Variants in CCT4 observed in about 807,000 individuals in gnomAD.
CCT4 encodes the protein T-complex protein 1 subunit delta.
CCT4 carries 17 observed loss-of-function variants against 62.5 expected under a neutral mutation model. That is an observed-to-expected ratio of 0.27 (90% CI 0.19 to 0.41). The LOEUF (loss-of-function observed/expected upper bound fraction) is 0.41, where lower values mean the gene tolerates loss of function less well. Ranked by LOEUF, CCT4 falls within the 10% of genes least tolerant of loss-of-function variation. The pLI is 1.00. For missense variants in CCT4, 592 were observed against 659.2 expected (o/e 0.90, Z 1.12); for synonymous variants, 250 against 229.9 (o/e 1.09, Z -0.79).
At chr2:61,880,420 G>T in intron 3 of CCT4, 26 bp from the exon 4 acceptor site, 1 of 1,332,352 alleles carries the variant, frequency 7.5e-7, no homozygotes, top group Non-Finnish European at 1.1e-6. Context: ...ATGCCAAGTT[G>T]CTCAATGAGA....
chr2:61,869,009 C>A lies in CCT4; in HGVS notation c.1606-303G>T, dbSNP rs1668828898. On this transcript the variant is annotated intron_variant, in intron 13 of 13. Transcript: ENST00000394440. The stretch of plus-strand genomic sequence containing the variant: ...AATTAGCTGGGTGTGGTGGCACATG[C>A]CTGTAATCCCAGCTACTTGGGAGGT... 1.7e-5 allele frequency: 6 copies of A among 360,944 alleles called. No individual in the cohort carries two copies. The East Asian group carries it at 1.9e-4, about 11-fold the overall frequency. The allele number at this position is 360,944 out of a possible 1,614,324, so 22.4% of individuals were successfully genotyped here.
intron 3 of CCT4, among the ~76,000 whole-genome samples, chr2:61,881,354 T>G (rs921603342): frequency 7.9e-5 from 12 of 152,118 alleles, no homozygotes; most frequent in Non-Finnish European, 1.5e-4. Flanking sequence ...ACTCCTGACC[T>G]CAGGTGATCC....
intron 3 of CCT4, 24 bp downstream of exon 3, chr2:61,883,435 A>AT: frequency 1.8e-6 from 2 of 1,116,770 alleles, no homozygotes; most frequent in Non-Finnish European, 2.6e-6. Flanking sequence ...AAAAAAAAAA[A>AT]GACTCACCTA....
chr2:61,882,607 C>G (rs867991836), intron 3 of CCT4, among the ~76,000 whole-genome samples: 1 of 151,898 alleles, frequency 6.6e-6, no homozygotes, highest in Non-Finnish European at 1.5e-5. Flanking sequence ...CCCCTGGACT[C>G]AAACAATTCT....
rs1668996206 is a variant in CCT4, at chr2:61,876,166, A to G, written c.846T>C (p.Tyr282=). The G allele has an allele frequency of 1.9e-6, 3 of 1,608,080 alleles. No individual in the cohort carries two copies. Among genetic ancestry groups the G allele is most frequent in the African/African-American group, 1.3e-5 (1 of 74,932 alleles). The change falls in exon 8 of 14, where the codon TAT becomes TAC. Residue 282 remains tyrosine, a synonymous_variant. Coordinates refer to ENST00000394440, the MANE Select transcript of CCT4 (RefSeq NM_006430.4). ...MDRVLREERA[Y]ILNLVKQIKK... ...TAATTTGCTTCACTAAATTTAAAAT[A>G]TAGGCTCTCTCTTCTCGCAGCACTC...
In CCT4 at chr2:61,874,436, T is replaced by C. The variant is rs139525444; in HGVS notation, c.918-1143A>G. Among the ~76,000 whole-genome samples, 11 of 151,564 alleles carry C rather than the reference T, an allele frequency of 7.3e-5. No homozygotes were observed. The East Asian group carries it at 2.2e-3, about 30-fold the overall frequency. The stretch of plus-strand genomic sequence containing the variant: ...GAGTGCAAGACCAGCCTGACCAACA[T>C]GATAAAACCTCATTTCTACAAAAAT... On this transcript the variant is annotated intron_variant, in intron 8 of 13. Transcript: ENST00000394440.
At chr2:61,882,822 T>TTC (rs1669148609) in intron 3 of CCT4, among the ~76,000 whole-genome samples, 1 of 151,982 alleles carries the variant, frequency 6.6e-6, no homozygotes, top group African/African-American at 2.4e-5. Context: ...TTTTTTTTTT[T>TTC]TCTGGGGTTT....
intron 5 of CCT4, among the ~76,000 whole-genome samples, chr2:61,877,854 TA>T (rs1669034109): frequency 6.6e-6 from 1 of 152,238 alleles, no homozygotes; most frequent in Admixed American, 6.5e-5. Flanking sequence ...GCATCAATGT[TA>T]TGTATGTACA....
intron 13 of CCT4, 95 bp from the exon 14 acceptor site, chr2:61,868,801 T>A: frequency 2.3e-6 from 2 of 866,872 alleles, no homozygotes; most frequent in Non-Finnish European, 3.9e-6. Flanking sequence ...AAACCTGTAT[T>A]AAGAACTGCT....
chr2:61,876,954 A>G lies in CCT4; in HGVS notation c.743T>C (p.Leu248Pro). 6.2e-7 allele frequency: 1 copy of G among 1,613,834 alleles called. No homozygotes were observed. Among genetic ancestry groups the G allele is most frequent in the African/African-American group, 1.3e-5 (1 of 75,052 alleles). The change falls in exon 7 of 14, where the codon CTT becomes CCT. Residue 248 changes from leucine to proline, a missense_variant. By Grantham distance (98) the Leu-to-Pro change is moderately conservative. Transcript: ENST00000394440. ...ITRVEKAKIG[L>P]IQFCLSAPKT... Reference sequence around the variant, plus strand: ...GGGAGCAGATAAGCAAAACTGAATAAGCCCAATCTTGGCCTTTTCAACTCT... The same window carrying G: ...GGGAGCAGATAAGCAAAACTGAATAGGCCCAATCTTGGCCTTTTCAACTCT...
At chr2:61,870,925 AAAC>A (rs1668870846) in intron 12 of CCT4, among the ~76,000 whole-genome samples, 1 of 151,398 alleles carries the variant, frequency 6.6e-6, no homozygotes, top group Non-Finnish European at 1.5e-5. Flanking sequence ...TCCAAAGAAA[AAAC>A]AAACAAACAA....
In CCT4 at chr2:61,877,455, C is replaced by T. The variant is rs142690866; in HGVS notation, c.582G>A (p.Val194=). ...CACTGGTGGCTGTGGCTGGGTCAAT[C>T]ACTTTCATCACTGCATTTACACTCA... ...SPMSVNAVMK[V]IDPATATSVD... is the part of the protein sequence containing the mutation. The change falls in exon 6 of 14, where the codon GTG becomes GTA. Residue 194 remains valine, a synonymous_variant. Transcript: ENST00000394440. 1.3e-3 allele frequency: 2,028 copies of T among 1,609,776 alleles called. 37 individuals are homozygous for T. The South Asian group carries it at 0.021, about 17-fold the overall frequency.
intron 8 of CCT4, among the ~76,000 whole-genome samples, chr2:61,875,013 A>G (rs1168763042): frequency 6.6e-6 from 1 of 151,992 alleles, no homozygotes; most frequent in Non-Finnish European, 1.5e-5. Flanking sequence ...GTGGTGGCAC[A>G]TGCCTGTAAT....
At chr2:61,877,080 T>C in intron 6 of CCT4, 28 bp from the exon 7 acceptor site, 2 of 1,601,994 alleles carry the variant, frequency 1.2e-6, no homozygotes, top group Middle Eastern at 1.7e-4. Context: ...CAAAGAGGGG[T>C]AGTTAAGAGG....
intron 1 of CCT4, 123 bp downstream of exon 1, chr2:61,888,258 C>T (rs1003756876): frequency 2.0e-5 from 25 of 1,225,962 alleles, no homozygotes; most frequent in Non-Finnish European, 2.7e-5. Context: ...TGGGCTGCTT[C>T]TATAGGGAGG....
chr2:61,879,891 C>T (rs916339715), intron 4 of CCT4, among the ~76,000 whole-genome samples: 2 of 151,976 alleles, frequency 1.3e-5, no homozygotes, highest in Non-Finnish European at 2.9e-5. Flanking sequence ...CCACCATGCC[C>T]GGCTAATTTT....
chr2:61,875,913 C>A (rs1400396482), intron 8 of CCT4, among the ~76,000 whole-genome samples, 182 bp downstream of exon 8: 1 of 152,074 alleles, frequency 6.6e-6, no homozygotes, highest in Admixed American at 6.6e-5. Flanking sequence ...AATATTGAGG[C>A]CTAACATTTT....
chr2:61,879,687 C>A (rs919846978), intron 4 of CCT4, among the ~76,000 whole-genome samples: 2 of 152,008 alleles, frequency 1.3e-5, no homozygotes, highest in East Asian at 3.8e-4. Flanking sequence ...CTGACTTTCT[C>A]TCCCAAATCT....
At chr2:61,877,318 G>T in intron 6 of CCT4, 75 bp downstream of exon 6, 1 of 1,368,788 alleles carries the variant, frequency 7.3e-7, no homozygotes, top group Non-Finnish European at 1.0e-6. Flanking sequence ...CTTTCATCTA[G>T]GTGTTTTTAT....
Sources: allele counts gnomAD v4.1 joint callset (sites outside exome capture counted in the v4.1 genomes callset), GRCh38; gene constraint gnomAD v4.1.1; transcripts MANE v1.5; gene names NCBI Gene and HGNC (gene_info 2026-07-23, HGNC 2026-07-21).